NRXN3: variants seen among roughly 807,000 people sequenced by gnomAD.
NRXN3 encodes neurexin 3, also known as neurexin III.
Under a neutral mutation model 137.6 loss-of-function variants are expected in NRXN3, and 32 were observed. The observed-to-expected ratio is 0.23, with a 90% confidence interval of 0.18 to 0.31. NRXN3 has a LOEUF of 0.31. NRXN3 is among the 10% of genes least tolerant of loss of function. The pLI, the probability that NRXN3 is intolerant of heterozygous loss-of-function variation, is 1.00. For missense variants in NRXN3, 1,574 were observed against 2,062.5 expected (o/e 0.76, Z 4.59); for synonymous variants, 798 against 784.5 (o/e 1.02, Z -0.29).
chr14:79,407,657 G>A (rs907812225), intron 15 of NRXN3, among the ~76,000 whole-genome samples: 2 of 152,118 alleles, frequency 1.3e-5, no homozygotes, highest in African/African-American at 2.4e-5. Context: ...TTGGGAGAGT[G>A]AGATCAAGGG....
chr14:79,466,302 T>A (rs922405989), intron 15 of NRXN3, among the ~76,000 whole-genome samples: 5 of 152,196 alleles, frequency 3.3e-5, no homozygotes, highest in African/African-American at 1.2e-4. Context: ...AAAGGACTCC[T>A]GGAGGCCAGG....
At chr14:79,788,506 G>A (rs920749095) in intron 19 of NRXN3, among the ~76,000 whole-genome samples, 4 of 152,228 alleles carry the variant, frequency 2.6e-5, no homozygotes, top group East Asian at 3.9e-4. Flanking sequence ...TCTCTGACTC[G>A]CTGATATCCA....
At chr14:79,042,781 G>T (rs779148058) in intron 15 of NRXN3, among the ~76,000 whole-genome samples, 1 of 152,180 alleles carries the variant, frequency 6.6e-6, no homozygotes. Context: ...TAACAGTAAA[G>T]CTCTGCCATC....
chr14:78,595,400 G>A (rs1357620232), intron 4 of NRXN3, among the ~76,000 whole-genome samples: 1 of 152,174 alleles, frequency 6.6e-6, no homozygotes, highest in Non-Finnish European at 1.5e-5. Context: ...CTGTGCACTC[G>A]TGGGAGTAAG....
intron 4 of NRXN3, chr14:78,526,699 TC>T (rs1188714352): frequency 3.9e-6 from 2 of 509,540 alleles, no homozygotes; most frequent in Non-Finnish European, 7.8e-6. Flanking sequence ...GTAAGCACTT[TC>T]GTGCATTATT....
At chr14:79,414,074 A>G (rs2095460786) in intron 15 of NRXN3, among the ~76,000 whole-genome samples, 1 of 152,018 alleles carries the variant, frequency 6.6e-6, no homozygotes, top group Admixed American at 6.6e-5. Flanking sequence ...AATAACCTGG[A>G]TAAGAAAATC....
intron 16 of NRXN3, among the ~76,000 whole-genome samples, chr14:79,496,933 C>T (rs1422337315): frequency 1.3e-5 from 2 of 152,190 alleles, no homozygotes; most frequent in African/African-American, 4.8e-5. Context: ...AGATGCTAAA[C>T]ACTTGTTCTA....
rs533261451 is a variant in NRXN3 at position 78,354,747 on chromosome 14, C to T, written c.757+56887C>T. Among the ~76,000 whole-genome samples the T allele has an allele frequency of 5.9e-5, 9 of 152,298 alleles. No individual in the cohort carries two copies. In the East Asian group the frequency reaches 1.7e-3, roughly 29 times the overall value. ...AACATTCTCTCTTTATTGCAAGTGA[C>T]TGTTATGGAATAAAAATTCAACAAC... On this transcript the variant is annotated intron_variant, in intron 4 of 20. Transcript: ENST00000335750.
intron 15 of NRXN3, among the ~76,000 whole-genome samples, chr14:79,449,741 G>A (rs1347372178): frequency 6.6e-6 from 1 of 152,168 alleles, no homozygotes; most frequent in African/African-American, 2.4e-5. Context: ...TGCAATCCCA[G>A]CTCTCTGGGA....
At chr14:78,830,293 G>A (rs999233049) in intron 10 of NRXN3, among the ~76,000 whole-genome samples, 1 of 152,002 alleles carries the variant, frequency 6.6e-6, no homozygotes, top group Non-Finnish European at 1.5e-5. Flanking sequence ...TGACAAACTG[G>A]TGATATCTTA....
chr14:78,984,328 CATAAAT>C (rs1368680947), intron 14 of NRXN3, among the ~76,000 whole-genome samples: 1 of 152,026 alleles, frequency 6.6e-6, no homozygotes. Context: ...CATTGTATCC[CATAAAT>C]ATAAACAACT....
intron 16 of NRXN3, among the ~76,000 whole-genome samples, chr14:79,555,844 G>C (rs1192735254): frequency 6.6e-6 from 1 of 152,156 alleles, no homozygotes; most frequent in Non-Finnish European, 1.5e-5. Context: ...TTTGTTTGCA[G>C]ACCATAATTT....
chr14:78,314,915 CTTTCTTTCTTTCTTTCTTT>C (rs2078433562), intron 4 of NRXN3, among the ~76,000 whole-genome samples: 2 of 112,818 alleles, frequency 1.8e-5, no homozygotes, highest in African/African-American at 9.1e-5. Flanking sequence ...TTCTTTCTTT[CTTTCTTTCTTTCTTTCTTT>C]CTTTCTTTCT....
chr14:79,113,673 G>A (rs923673824), intron 15 of NRXN3, among the ~76,000 whole-genome samples: 1 of 152,028 alleles, frequency 6.6e-6, no homozygotes, highest in Admixed American at 6.5e-5. Context: ...ACTACTTAAA[G>A]TGGCTGCCCA....
intron 19 of NRXN3, among the ~76,000 whole-genome samples, chr14:79,751,311 G>C (rs988190141): frequency 6.6e-6 from 1 of 152,122 alleles, no homozygotes; most frequent in African/African-American, 2.4e-5. Context: ...GGATTCCTAA[G>C]TATTTTATTC....
chr14:78,500,319 G>T (rs1599533859), intron 4 of NRXN3, among the ~76,000 whole-genome samples: 1 of 152,224 alleles, frequency 6.6e-6, no homozygotes, highest in South Asian at 2.1e-4. Flanking sequence ...TTTCAGAGAT[G>T]CTTTGTTTTT....
At chr14:79,528,683 A>G (rs1173243703) in intron 16 of NRXN3, among the ~76,000 whole-genome samples, 1 of 149,384 alleles carries the variant, frequency 6.7e-6, no homozygotes, top group Non-Finnish European at 1.5e-5. Context: ...GTTTTTTTTT[A>G]TTTCTAAGAC....
At chr14:79,093,665 AC>A (rs1374363985) in intron 15 of NRXN3, among the ~76,000 whole-genome samples, 3 of 152,154 alleles carry the variant, frequency 2.0e-5, no homozygotes, top group Non-Finnish European at 4.4e-5. Context: ...AACAGCATAA[AC>A]CATGGGTGAC....
rs1387967977 is a variant in NRXN3 at position 79,805,191 on chromosome 14, G to A, written c.4093+1G>A. 6.2e-7 allele frequency: 1 copy of A among 1,612,906 alleles called. No individual in the cohort carries two copies. The highest frequency in any genetic ancestry group is 8.5e-7 in the Non-Finnish European group (1 of 1,179,224). On this transcript the variant is annotated splice_donor_variant, in intron 20 of 20. Transcript: ENST00000335750. LOFTEE classifies it high-confidence loss of function. The stretch of plus-strand genomic sequence containing the variant: ...TTTGTTGAATGTGAGCCGAGTACAG[G>A]TAGGTCAGGTCAGTCTTATTTTGCT...
Sources: allele counts gnomAD v4.1 joint callset (sites outside exome capture counted in the v4.1 genomes callset), GRCh38; gene constraint gnomAD v4.1.1; transcripts MANE v1.5; gene names NCBI Gene and HGNC (gene_info 2026-07-23, HGNC 2026-07-21).